Variants in CERS3 observed in about 807,000 individuals in gnomAD.
The protein encoded by CERS3 is LAG1 homolog, ceramide synthase 3.
A neutral mutation model predicts 50.3 loss-of-function variants in CERS3; 33 were observed. That is an observed-to-expected ratio of 0.66 (90% CI 0.50 to 0.88). The LOEUF (loss-of-function observed/expected upper bound fraction) is 0.88. Among genes scored for constraint, CERS3 ranks in the 40% least tolerant of loss-of-function variants. The probability of loss-of-function intolerance (pLI) is 0.00; values close to 1 mark genes in which losing one functional copy is unlikely to be tolerated. For synonymous variants in CERS3, 176 were observed against 155.2 expected (o/e 1.13, Z -0.99); for missense variants, 470 against 460.3 (o/e 1.02, Z -0.19).
chr15:100,462,004 G>T (rs188086379), intron 10 of CERS3, among the ~76,000 whole-genome samples: 3 of 152,278 alleles, frequency 2.0e-5, no homozygotes, highest in East Asian at 3.9e-4. Context: ...AATTCCATCT[G>T]CCCTTCCCAG....
chr15:100,404,446 A>G (rs1463194221), intron 11 of CERS3, among the ~76,000 whole-genome samples: 1 of 152,208 alleles, frequency 6.6e-6, no homozygotes, highest in African/African-American at 2.4e-5. Flanking sequence ...TCAGAGAGAA[A>G]TCTGAAATTC....
chr15:100,487,659 G>T (rs1213248225), intron 4 of CERS3, among the ~76,000 whole-genome samples: 1 of 152,196 alleles, frequency 6.6e-6, no homozygotes, highest in Admixed American at 6.5e-5. Flanking sequence ...GCTGAATGGG[G>T]CCAAGAGACC....
At chr15:100,465,784 G>A (rs372951458) in intron 10 of CERS3, among the ~76,000 whole-genome samples, 15 of 151,590 alleles carry the variant, frequency 9.9e-5, no homozygotes, top group Admixed American at 2.6e-4. Flanking sequence ...TCAGCCTCCC[G>A]AGTAGCTGGG....
intron 11 of CERS3, among the ~76,000 whole-genome samples, chr15:100,412,614 T>C (rs1246506760): frequency 6.6e-6 from 1 of 152,166 alleles, no homozygotes; most frequent in Non-Finnish European, 1.5e-5. Flanking sequence ...GTTCCCTGAT[T>C]TATAGAAGAA....
chr15:100,457,279 C>A (rs74041436), intron 10 of CERS3, among the ~76,000 whole-genome samples: 4,020 of 152,256 alleles, frequency 0.026, 197 homozygotes, highest in African/African-American at 0.091. Flanking sequence ...AACACCACTA[C>A]AATTAGGATA....
chr15:100,538,932 G>A (rs1050196596), intron 1 of CERS3, among the ~76,000 whole-genome samples: 13 of 152,190 alleles, frequency 8.5e-5, no homozygotes, highest in African/African-American at 1.9e-4. Context: ...TTGTGAATGC[G>A]TAAAACTGAA....
chr15:100,455,588 C>T (rs1489880157), intron 11 of CERS3, among the ~76,000 whole-genome samples: 2 of 151,938 alleles, frequency 1.3e-5, no homozygotes, highest in Non-Finnish European at 2.9e-5. Flanking sequence ...TATCAATAAG[C>T]AAAAGTTTAA....
chr15:100,531,447 G>A (rs148456365), upstream of CERS3, among the ~76,000 whole-genome samples: 2,049 of 152,232 alleles, frequency 0.013, 25 homozygotes, highest in Admixed American at 0.028. Context: ...AGGGTTTGCT[G>A]GTGAAGACTT....
At chr15:100,529,258 T>C (rs964922432), upstream of CERS3, 1 of 152,212 alleles carries the variant, frequency 6.6e-6, no homozygotes, top group African/African-American at 2.4e-5. Context: ...GTCACAACCC[T>C]GTACTGTCCT....
chr15:100,503,944 A>G (rs2036087648), intron 2 of CERS3: 1 of 356,760 alleles, frequency 2.8e-6, no homozygotes, highest in African/African-American at 2.1e-5. Context: ...AAGGTCAAAG[A>G]CATGTGTGTT....
At chr15:100,441,913 T>G (rs2033699103) in intron 11 of CERS3, among the ~76,000 whole-genome samples, 2 of 151,972 alleles carry the variant, frequency 1.3e-5, no homozygotes, top group African/African-American at 4.8e-5. Flanking sequence ...ATCTTCCTTT[T>G]CTACAGACCC....
chr15:100,477,213 C>T (rs1449229253), intron 7 of CERS3, among the ~76,000 whole-genome samples: 2 of 152,144 alleles, frequency 1.3e-5, no homozygotes, highest in South Asian at 2.1e-4. Context: ...AACTGATACA[C>T]CTGAGAAGAT....
At chr15:100,488,933 C>T (rs574124440) in intron 4 of CERS3, among the ~76,000 whole-genome samples, 3 of 152,168 alleles carry the variant, frequency 2.0e-5, no homozygotes, top group East Asian at 1.9e-4. Flanking sequence ...CTCGCCACCA[C>T]GCCCAGCTAA....
At chr15:100,426,281 G>T (rs1029756107) in intron 11 of CERS3, among the ~76,000 whole-genome samples, 1 of 152,070 alleles carries the variant, frequency 6.6e-6, no homozygotes, top group African/African-American at 2.4e-5. Flanking sequence ...TCCATTTATG[G>T]AGAAATTCAC....
chr15:100,517,499 G>T (rs898798351), intron 2 of CERS3, among the ~76,000 whole-genome samples: 3 of 152,158 alleles, frequency 2.0e-5, no homozygotes, highest in African/African-American at 7.2e-5. Context: ...ACTTGCTTGG[G>T]CAGTGCCACC....
chr15:100,512,832 A>G (rs1460054657), intron 2 of CERS3, among the ~76,000 whole-genome samples: 2 of 152,100 alleles, frequency 1.3e-5, no homozygotes, highest in Non-Finnish European at 2.9e-5. Flanking sequence ...TTTCCCTCCT[A>G]ACACTGTTGG....
At chr15:100,502,835 G>T (rs1000329871) in intron 2 of CERS3, among the ~76,000 whole-genome samples, 1 of 151,840 alleles carries the variant, frequency 6.6e-6, no homozygotes, top group African/African-American at 2.4e-5. Flanking sequence ...ACAGGTTGCT[G>T]TGGGAACAAG....
intron 2 of CERS3, among the ~76,000 whole-genome samples, chr15:100,518,375 A>G (rs562821208): frequency 6.6e-6 from 1 of 152,192 alleles, no homozygotes; most frequent in African/African-American, 2.4e-5. Context: ...CTCATACAGG[A>G]TATCTGCGGT....
intron 11 of CERS3, among the ~76,000 whole-genome samples, chr15:100,430,522 C>A (rs1363042810): frequency 6.6e-6 from 1 of 152,188 alleles, no homozygotes; most frequent in Non-Finnish European, 1.5e-5. Context: ...AGTGCTGTAA[C>A]TAAATGCTGT....
Sources: allele counts gnomAD v4.1 joint callset (sites outside exome capture counted in the v4.1 genomes callset), GRCh38; gene constraint gnomAD v4.1.1; transcripts MANE v1.5; gene names NCBI Gene and HGNC (gene_info 2026-07-23, HGNC 2026-07-21).